The following SUMF1 variants were observed in gnomAD, a reference collection of about 807,000 sequenced individuals.
SUMF1 encodes formylglycine-generating enzyme.
In SUMF1, 48 loss-of-function variants were observed where a neutral mutation model predicts 47.6. The ratio of observed to expected loss-of-function variants is 1.01; its 90% CI spans 0.80 to 1.28. The LOEUF (loss-of-function observed/expected upper bound fraction) is 1.28. SUMF1 is among the 50% of genes most tolerant of loss of function. The pLI, the probability that SUMF1 is intolerant of heterozygous loss-of-function variation, is 0.00. For missense variants in SUMF1, 571 were observed against 485.4 expected, an observed-to-expected ratio of 1.18 and a Z score of -1.66; for synonymous variants, 230 against 192.1, an observed-to-expected ratio of 1.20 and a Z score of -1.63.
intron 8 of SUMF1, among the ~76,000 whole-genome samples, chr3:4,249,738 G>T (rs748864603): frequency 6.6e-6 from 1 of 152,126 alleles, no homozygotes; most frequent in Non-Finnish European, 1.5e-5. Flanking sequence ...TAGAAATTAT[G>T]AATCTTAGTG....
At chr3:4,257,897 C>T (rs1456892243) in intron 8 of SUMF1, among the ~76,000 whole-genome samples, 1 of 151,322 alleles carries the variant, frequency 6.6e-6, no homozygotes, top group African/African-American at 2.4e-5. Context: ...CAGCATGGTA[C>T]TGGTACCAAA....
At chr3:4,142,399 A>G (rs1438951211) in intron 8 of SUMF1, among the ~76,000 whole-genome samples, 1 of 152,120 alleles carries the variant, frequency 6.6e-6, no homozygotes, top group Non-Finnish European at 1.5e-5. Context: ...CCTCACCTAC[A>G]CTGAAGTCTT....
At chr3:4,161,648 G>C (rs886214410) in intron 8 of SUMF1, among the ~76,000 whole-genome samples, 1 of 152,004 alleles carries the variant, frequency 6.6e-6, no homozygotes, top group East Asian at 1.9e-4. Flanking sequence ...CAGCTCTTCA[G>C]TCAGCTTCTG....
intron 8 of SUMF1, among the ~76,000 whole-genome samples, chr3:4,203,012 G>A (rs752453000): frequency 7.3e-5 from 11 of 151,712 alleles, no homozygotes; most frequent in Non-Finnish European, 1.5e-4. Flanking sequence ...CTATTCTTGA[G>A]AATTATCCAT....
At chr3:4,137,932 CAT>C (rs1491264263) in intron 8 of SUMF1, among the ~76,000 whole-genome samples, 1 of 149,276 alleles carries the variant, frequency 6.7e-6, no homozygotes, top group Admixed American at 6.7e-5. Context: ...CACACACACA[CAT>C]TATTAGAACT....
At chr3:4,303,924 C>G (rs927164072) in intron 8 of SUMF1, 1 of 1,188,500 alleles carries the variant, frequency 8.4e-7, no homozygotes. Context: ...TGCATAAAAA[C>G]AGCCCCTCGA....
chr3:4,277,425 C>T (rs1202088087), intron 8 of SUMF1, among the ~76,000 whole-genome samples: 1 of 151,886 alleles, frequency 6.6e-6, no homozygotes, highest in African/African-American at 2.4e-5. Flanking sequence ...AGAAAGATTA[C>T]CCAGGACAGT....
At chr3:4,350,376 T>C (rs1360991413) in intron 8 of SUMF1, among the ~76,000 whole-genome samples, 1 of 151,258 alleles carries the variant, frequency 6.6e-6, no homozygotes. Flanking sequence ...TGTATAATTG[T>C]GTGTGTATAA....
chr3:4,047,001 A>T (rs1184121652), intron 9 of SUMF1, among the ~76,000 whole-genome samples: 1 of 151,992 alleles, frequency 6.6e-6, no homozygotes, highest in Non-Finnish European at 1.5e-5. Flanking sequence ...ACCCTAGCTC[A>T]CTGGGATTTG....
chr3:4,057,874 T>C (rs1695217986), intron 9 of SUMF1, among the ~76,000 whole-genome samples: 1 of 152,054 alleles, frequency 6.6e-6, no homozygotes, highest in African/African-American at 2.4e-5. Flanking sequence ...AATGGTAGAG[T>C]TGGAACCCTA....
In SUMF1 at chr3:4,255,628, A is replaced by G. The variant is rs896708757; in HGVS notation, c.1014+120702T>C. On this transcript the variant is annotated intron_variant and NMD_transcript_variant, in intron 8 of 12. Coordinates refer to the SUMF1 transcript ENST00000448413. ...AGATTCATAAAGCAAGTCCTGAGTGACCTACAAAGAGACTTAGACTACCAC... is the reference window on the plus strand; with the variant it reads ...AGATTCATAAAGCAAGTCCTGAGTGGCCTACAAAGAGACTTAGACTACCAC... 4.8e-4 allele frequency among the ~76,000 whole-genome samples: 61 copies of G among 127,980 alleles called. 1 individual carries two copies. The highest frequency in any genetic ancestry group is 8.3e-4 in the Non-Finnish European group (50 of 60,080). The allele number at this position is 127,980 out of a possible 152,430, so 84.0% of individuals were successfully genotyped here.
intron 8 of SUMF1, among the ~76,000 whole-genome samples, chr3:4,102,189 T>C (rs2675200): frequency 0.042 from 6,344 of 152,212 alleles, 190 homozygotes; most frequent in Non-Finnish European, 0.063. Flanking sequence ...TTGCATAACA[T>C]AATTTCTGGA....
At chr3:4,281,031 G>C (rs942077179) in intron 8 of SUMF1, among the ~76,000 whole-genome samples, 2 of 152,022 alleles carry the variant, frequency 1.3e-5, no homozygotes. Flanking sequence ...TCTTTGAGTG[G>C]GGTAACAGTG....
chr3:4,265,570 T>A (rs555434356), intron 8 of SUMF1, among the ~76,000 whole-genome samples: 6 of 152,288 alleles, frequency 3.9e-5, no homozygotes, highest in African/African-American at 1.4e-4. Context: ...ACAAAAATAT[T>A]TTAAAACCCC....
chr3:4,386,105 A>T (rs1700665002), intron 7 of SUMF1, among the ~76,000 whole-genome samples: 1 of 152,178 alleles, frequency 6.6e-6, no homozygotes, highest in South Asian at 2.1e-4. Context: ...TGTTTTAGCA[A>T]TTCTAGTTCC....
At chr3:4,179,267 G>A (rs561052098) in intron 8 of SUMF1, among the ~76,000 whole-genome samples, 11 of 152,134 alleles carry the variant, frequency 7.2e-5, no homozygotes, top group South Asian at 6.2e-4. Flanking sequence ...GAGGCATCAC[G>A]CTACCTGACT....
intron 8 of SUMF1, among the ~76,000 whole-genome samples, chr3:4,265,871 T>C (rs1697183271): frequency 6.6e-6 from 1 of 152,188 alleles, no homozygotes; most frequent in Non-Finnish European, 1.5e-5. Flanking sequence ...AGGTCTAACG[T>C]TTAAATCTTT....
chr3:4,193,175 G>C (rs570478489), intron 8 of SUMF1, among the ~76,000 whole-genome samples: 1 of 152,150 alleles, frequency 6.6e-6, no homozygotes, highest in Non-Finnish European at 1.5e-5. Flanking sequence ...TAGATAGTGA[G>C]CACTTGAAAT....
At chr3:4,142,131 C>T (rs911680720) in intron 8 of SUMF1, among the ~76,000 whole-genome samples, 6 of 152,112 alleles carry the variant, frequency 3.9e-5, no homozygotes, top group African/African-American at 1.2e-4. Context: ...GGTTGTTTCT[C>T]TTAATCCTGG....
Sources: gnomAD v4.1 joint callset for allele counts (sites outside exome capture counted in the v4.1 genomes callset) on GRCh38, gnomAD v4.1.1 for gene constraint, MANE v1.5 for transcripts, NCBI Gene and HGNC (gene_info 2026-07-23, HGNC 2026-07-21) for gene names.